The following FARSB variants were observed in gnomAD, a reference collection of about 807,000 sequenced individuals.
FARSB encodes phenylalanine--tRNA ligase beta subunit.
A neutral mutation model predicts 69.6 loss-of-function variants in FARSB; 40 were observed. The ratio of observed to expected loss-of-function variants is 0.57; its 90% CI spans 0.45 to 0.75. FARSB has a LOEUF of 0.75. FARSB is among the 30% of genes least tolerant of loss of function. FARSB has a pLI of 0.00. For missense variants in FARSB, 632 were observed against 722.9 expected, an observed-to-expected ratio of 0.87 and a Z score of 1.44; for synonymous variants, 235 against 247.2, an observed-to-expected ratio of 0.95 and a Z score of 0.46.
intron 6 of FARSB, 141 bp from the exon 7 acceptor site, chr2:222,633,448 T>C (rs7340227): frequency 0.35 from 161,592 of 468,122 alleles, 30,210 homozygotes; most frequent in African/African-American, 0.5. Flanking sequence ...TTTGGGAGGC[T>C]GAGGCCGGTG....
At position 222,568,039 on chromosome 2, in the gene FARSB, CAA is replaced by C. The variant is rs1689660207; in HGVS notation, c.*3830_*3831del. 1 of 152,080 alleles carries C rather than the reference CAA, an allele frequency of 6.6e-6. No homozygotes were observed. The highest frequency in any genetic ancestry group is 2.4e-5 in the African/African-American group (1 of 41,412). 9.4% of individuals were successfully genotyped at this position (152,080 alleles called of 1,614,324 possible). On this transcript the variant is annotated 3_prime_UTR_variant, in exon 17 of 17. Transcript: ENST00000281828. The surrounding 1 kb of genome is among the most constrained non-coding windows in gnomAD (Gnocchi z 4.3). ...CATGAGATATATGTAAAATAAAAAACAAAACTTGTTGCAAACCAGTAAGTAGA... is the reference window on the plus strand; with the variant it reads ...CATGAGATATATGTAAAATAAAAAACAACTTGTTGCAAACCAGTAAGTAGA...
intron 5 of FARSB, 51 bp downstream of exon 5, chr2:222,639,529 G>A (rs776872626): frequency 1.0e-5 from 8 of 792,198 alleles, no homozygotes; most frequent in Non-Finnish European, 1.7e-5. Flanking sequence ...AGGAGATAGG[G>A]AGACAAAGGG....
chr2:222,652,491 G>A (rs1438597670), intron 1 of FARSB, among the ~76,000 whole-genome samples: 1 of 152,112 alleles, frequency 6.6e-6, no homozygotes, highest in Non-Finnish European at 1.5e-5. Flanking sequence ...GAAAACAGGC[G>A]TCTATCCTCG....
intron 15 of FARSB, among the ~76,000 whole-genome samples, chr2:222,612,910 A>G (rs59874310): frequency 0.016 from 2,372 of 152,372 alleles, 59 homozygotes; most frequent in African/African-American, 0.051. Flanking sequence ...TAACAAGCCC[A>G]GGGCTTACTC....
At chr2:222,605,193 C>CTCTCTG (rs762324554) in intron 15 of FARSB, among the ~76,000 whole-genome samples, 1 of 151,732 alleles carries the variant, frequency 6.6e-6, no homozygotes, top group South Asian at 2.1e-4. Context: ...CTCTCTCTCT[C>CTCTCTG]TGTGTCTCCC....
At chr2:222,582,368 A>G (rs1404812390) in intron 16 of FARSB, among the ~76,000 whole-genome samples, 2 of 152,196 alleles carry the variant, frequency 1.3e-5, no homozygotes, top group Non-Finnish European at 2.9e-5. Flanking sequence ...GTAGAAGAGA[A>G]TATGAACACA....
chr2:222,644,636 C>T, intron 2 of FARSB: 2 of 403,424 alleles, frequency 5.0e-6, no homozygotes, highest in South Asian at 1.8e-5. Context: ...AGCAGCACCC[C>T]CTTATCCACA....
rs1691343469 is a variant in FARSB at position 222,628,888 on chromosome 2, C to T, written c.849G>A (p.Thr283=). 1.2e-6 allele frequency: 2 copies of T among 1,606,590 alleles called. No homozygotes were observed. The highest frequency in any genetic ancestry group is 1.7e-6 in the Non-Finnish European group (2 of 1,175,346). ...GAAAAACCACTTCAGCAGCTTCGAC[C>T]CTGAAAACAAAAGCCAGAAATAAAA... ...MFSEYCENQF[T]VEAAEVVFPN... is the part of the protein sequence containing the mutation. The change falls in exon 10 of 17, where the codon ACG becomes ACA. Residue 283 remains threonine, a splice_region_variant and synonymous_variant. Coordinates refer to ENST00000281828, the MANE Select transcript of FARSB (RefSeq NM_005687.5).
At position 222,634,529 on chromosome 2, in the gene FARSB, C is replaced by T; in HGVS notation, c.468G>A (p.Leu156=). The T allele has an allele frequency of 1.2e-6, 2 of 1,611,804 alleles. No homozygotes were observed. Among genetic ancestry groups the T allele is most frequent in the Non-Finnish European group, 1.7e-6 (2 of 1,178,916 alleles). ...LHQNICRKRA[L]VAIGTHDLDT... ...CCAAATCATGGGTACCAATGGCAAC[C>T]AGTGCTCTTTTCCTAATTGTTGAGA... The change falls in exon 6 of 17, where the codon CTG becomes CTA. Residue 156 remains leucine, a synonymous_variant. Transcript: ENST00000281828.
rs950700215 is a variant in FARSB, at chr2:222,570,053, T to C, written c.*1818A>G. Among the ~76,000 whole-genome samples, 3 of 152,212 alleles carry C rather than the reference T, an allele frequency of 2.0e-5. No individual in the cohort carries two copies. Among genetic ancestry groups the C allele is most frequent in the Admixed American group, 6.5e-5 (1 of 15,280 alleles). On this transcript the variant is annotated 3_prime_UTR_variant, in exon 17 of 17. Transcript: ENST00000281828. Reference sequence around the variant, plus strand: ...TTGCTCCAGTCTCAGCAGTATTTGATTTATGAATCTTAAATTTTAGCCATT... The same window carrying C: ...TTGCTCCAGTCTCAGCAGTATTTGACTTATGAATCTTAAATTTTAGCCATT...
chr2:222,631,848 G>A (rs1041340193), intron 7 of FARSB, among the ~76,000 whole-genome samples, 174 bp from the exon 8 acceptor site: 8 of 152,216 alleles, frequency 5.3e-5, no homozygotes, highest in Admixed American at 1.3e-4. Context: ...CAAAGTGGGC[G>A]GATCACCTGA....
At chr2:222,598,079 AT>A (rs1690467577) in intron 16 of FARSB, among the ~76,000 whole-genome samples, 1 of 152,104 alleles carries the variant, frequency 6.6e-6, no homozygotes, top group East Asian at 1.9e-4. Flanking sequence ...GTCTCCACCT[AT>A]TCTTCCAAAG....
At chr2:222,624,147 G>A in intron 12 of FARSB, 125 bp downstream of exon 12, 1 of 688,486 alleles carries the variant, frequency 1.5e-6, no homozygotes, top group Non-Finnish European at 2.6e-6. Flanking sequence ...CACAGCAAAT[G>A]CCTCTCATTG....
chr2:222,624,831 G>C (rs1691227025), intron 10 of FARSB, 56 bp from the exon 11 acceptor site: 1 of 1,085,706 alleles, frequency 9.2e-7, no homozygotes, highest in Non-Finnish European at 1.4e-6. Flanking sequence ...CAGCTTTAGA[G>C]TCTTTTCCAT....
At chr2:222,648,950 G>A (rs553460339) in intron 1 of FARSB, among the ~76,000 whole-genome samples, 155 bp from the exon 2 acceptor site, 5 of 152,118 alleles carry the variant, frequency 3.3e-5, no homozygotes, top group Non-Finnish European at 7.4e-5. Context: ...AAACAGGCCA[G>A]GCATGGTGGC....
At chr2:222,635,852 G>C (rs1007097694) in intron 5 of FARSB, among the ~76,000 whole-genome samples, 2 of 152,236 alleles carry the variant, frequency 1.3e-5, no homozygotes, top group South Asian at 4.1e-4. Context: ...GGCCAAGGCA[G>C]CAAGACTGCT....
chr2:222,621,212 C>G, intron 13 of FARSB, among the ~76,000 whole-genome samples: 1 of 152,166 alleles, frequency 6.6e-6, no homozygotes, highest in Non-Finnish European at 1.5e-5. Flanking sequence ...TTTATCATGG[C>G]AATGGATAAT....
intron 2 of FARSB, among the ~76,000 whole-genome samples, chr2:222,647,034 C>T (rs1402725767): frequency 6.6e-6 from 1 of 152,196 alleles, no homozygotes; most frequent in Non-Finnish European, 1.5e-5. Context: ...ATGCTTCTTA[C>T]ACACATGCTT....
At chr2:222,653,974 T>C (rs1212633170) in intron 1 of FARSB, among the ~76,000 whole-genome samples, 2 of 152,100 alleles carry the variant, frequency 1.3e-5, no homozygotes, top group Non-Finnish European at 2.9e-5. Context: ...TCAATCTTAA[T>C]TGATCACTGA....
Sources: allele counts gnomAD v4.1 joint callset (sites outside exome capture counted in the v4.1 genomes callset), GRCh38; gene constraint gnomAD v4.1.1; non-coding constraint Gnocchi (gnomAD v3.1); transcripts MANE v1.5; gene names NCBI Gene and HGNC (gene_info 2026-07-23, HGNC 2026-07-21).